Variants in ARB2A observed in about 807,000 individuals in gnomAD.
ARB2A encodes ARB2 cotranscriptional regulator A.
chr5:93,640,443 C>T, the ARB2A span, among the ~76,000 whole-genome samples: 1 of 150,126 alleles, frequency 6.7e-6, no homozygotes. Context: ...AGCAAGACTC[C>T]GTCTCAAAAA....
the ARB2A span, chr5:94,053,149 C>G: frequency 6.3e-7 from 1 of 1,593,352 alleles, no homozygotes. Flanking sequence ...ATATTCAAAT[C>G]CTTCCAGGGT....
chr5:93,746,078 A>G, the ARB2A span, among the ~76,000 whole-genome samples: 1 of 152,220 alleles, frequency 6.6e-6, no homozygotes, highest in African/African-American at 2.4e-5. Context: ...CATTACAACA[A>G]TTTAGTTCAC....
the ARB2A span, among the ~76,000 whole-genome samples, chr5:93,857,200 G>T: frequency 3.3e-5 from 5 of 152,146 alleles, no homozygotes; most frequent in South Asian, 4.1e-4. Flanking sequence ...CTACTGGGTG[G>T]TGCCTCCCAG....
chr5:93,769,134 T>C, the ARB2A span, among the ~76,000 whole-genome samples: 2 of 152,318 alleles, frequency 1.3e-5, no homozygotes, highest in Middle Eastern at 3.4e-3. Context: ...GAAGCAAATC[T>C]AGTTATAAAG....
the ARB2A span, among the ~76,000 whole-genome samples, chr5:94,038,159 C>A: frequency 2.6e-5 from 4 of 151,984 alleles, no homozygotes; most frequent in African/African-American, 4.8e-5. Context: ...ATTATAAATT[C>A]TCCATTTAAC....
At chr5:93,781,111 T>C in the ARB2A span, among the ~76,000 whole-genome samples, 1 of 152,166 alleles carries the variant, frequency 6.6e-6, no homozygotes, top group Non-Finnish European at 1.5e-5. Flanking sequence ...AGTGTAACTG[T>C]CACCCAAATA....
the ARB2A span, among the ~76,000 whole-genome samples, chr5:93,696,908 A>G: frequency 6.6e-6 from 1 of 151,910 alleles, no homozygotes; most frequent in Non-Finnish European, 1.5e-5. Context: ...CTAAAAATAC[A>G]AAAATTAGCC....
chr5:93,684,092 CTT>C, the ARB2A span, among the ~76,000 whole-genome samples: 1 of 152,168 alleles, frequency 6.6e-6, no homozygotes, highest in South Asian at 2.1e-4. Flanking sequence ...GTGTCAAACT[CTT>C]TTTCTCTGTA....
the ARB2A span, among the ~76,000 whole-genome samples, chr5:94,036,710 C>T: frequency 6.6e-6 from 1 of 152,096 alleles, no homozygotes; most frequent in Non-Finnish European, 1.5e-5. Flanking sequence ...CACTTTTCAA[C>T]TTTTAGAAAG....
chr5:93,707,781 A>T, the ARB2A span, among the ~76,000 whole-genome samples: 3 of 151,772 alleles, frequency 2.0e-5, no homozygotes, highest in Admixed American at 6.6e-5. Context: ...TGCCATGTTG[A>T]CCAGGCTGGT....
the ARB2A span, among the ~76,000 whole-genome samples, chr5:93,742,253 C>T: frequency 6.6e-6 from 1 of 152,082 alleles, no homozygotes; most frequent in Non-Finnish European, 1.5e-5. Context: ...CCTTTTGTTT[C>T]CCATTCTAAC....
chr5:94,037,193 C>T, the ARB2A span, among the ~76,000 whole-genome samples: 2 of 152,102 alleles, frequency 1.3e-5, no homozygotes, highest in Non-Finnish European at 1.5e-5. Flanking sequence ...TTCTCAACCA[C>T]AAAAACATGG....
At chr5:93,761,760 C>T in the ARB2A span, among the ~76,000 whole-genome samples, 1 of 152,226 alleles carries the variant, frequency 6.6e-6, no homozygotes, top group Non-Finnish European at 1.5e-5. Context: ...ACTGCCTCCT[C>T]AAGTGGGTCC....
the ARB2A span, among the ~76,000 whole-genome samples, chr5:93,811,085 T>C: frequency 3.3e-5 from 5 of 152,022 alleles, 1 homozygote; most frequent in African/African-American, 1.2e-4. Flanking sequence ...ATATGGATAA[T>C]ATGAAGGAGC....
chr5:93,953,454 G>T, the ARB2A span, among the ~76,000 whole-genome samples: 2 of 152,074 alleles, frequency 1.3e-5, no homozygotes, highest in South Asian at 2.1e-4. Context: ...AGATCTGGAA[G>T]AATTCTCTGG....
At chr5:94,050,733 C>A in the ARB2A span, 3 of 1,600,062 alleles carry the variant, frequency 1.9e-6, no homozygotes, top group Non-Finnish European at 2.6e-6. Context: ...TGACATACCT[C>A]TCCTAGAGCC....
At chr5:93,770,411 C>T in the ARB2A span, among the ~76,000 whole-genome samples, 2 of 152,124 alleles carry the variant, frequency 1.3e-5, no homozygotes, top group Admixed American at 6.5e-5. Flanking sequence ...CAGGGATGCC[C>T]CCTCTCACCA....
At chr5:94,090,890 A>G in the ARB2A span, among the ~76,000 whole-genome samples, 1 of 152,190 alleles carries the variant, frequency 6.6e-6, no homozygotes, top group East Asian at 1.9e-4. Context: ...ATCATCACTA[A>G]ATTGCCTAGT....
the ARB2A span, among the ~76,000 whole-genome samples, chr5:93,860,180 C>T: frequency 6.6e-6 from 1 of 152,142 alleles, no homozygotes; most frequent in Non-Finnish European, 1.5e-5. Flanking sequence ...GTAATCCCAG[C>T]TACTCAGGAG....
Sources: gnomAD v4.1 joint callset for allele counts (sites outside exome capture counted in the v4.1 genomes callset) on GRCh38, gnomAD v4.1.1 for gene constraint, MANE v1.5 for transcripts, NCBI Gene and HGNC (gene_info 2026-07-23, HGNC 2026-07-21) for gene names.